DDC: variants seen among roughly 807,000 people sequenced by gnomAD.
The protein encoded by DDC is dopa decarboxylase.
Under a neutral mutation model 60.0 loss-of-function variants are expected in DDC, and 43 were observed. That is an observed-to-expected ratio of 0.72 (90% CI 0.56 to 0.92). The LOEUF is 0.92. DDC is among the 40% of genes least tolerant of loss of function. DDC has a pLI of 0.00. For missense variants in DDC, 573 were observed against 620.2 expected, an observed-to-expected ratio of 0.92 and a Z score of 0.81; for synonymous variants, 232 against 234.6, an observed-to-expected ratio of 0.99 and a Z score of 0.10.
At chr7:50,492,686 T>A in intron 9 of DDC, 1 of 1,342,608 alleles carries the variant, frequency 7.4e-7, no homozygotes, top group Non-Finnish European at 9.6e-7. Context: ...ACAAGGAAAT[T>A]TTCCAAATGG....
chr7:50,528,349 G>A (rs778022580), intron 5 of DDC, 69 bp from the exon 6 acceptor site: 147 of 1,599,674 alleles, frequency 9.2e-5, no homozygotes, highest in Non-Finnish European at 1.1e-4. Flanking sequence ...GCCCTGGATC[G>A]GCAGAGAGCA....
intron 12 of DDC, among the ~76,000 whole-genome samples, chr7:50,468,248 G>A (rs11575513): frequency 2.6e-5 from 4 of 152,226 alleles, no homozygotes; most frequent in African/African-American, 9.6e-5. Context: ...CCCGAAAGCC[G>A]GTTCCCGCCC....
At chr7:50,518,034 C>T (rs2043785309) in intron 6 of DDC, among the ~76,000 whole-genome samples, 1 of 151,386 alleles carries the variant, frequency 6.6e-6, no homozygotes, top group Non-Finnish European at 1.5e-5. Flanking sequence ...ATGGTGAAAC[C>T]CCATCTCTAC....
At chr7:50,512,359 C>T (rs1210820618) in intron 6 of DDC, among the ~76,000 whole-genome samples, 1 of 152,182 alleles carries the variant, frequency 6.6e-6, no homozygotes. Context: ...ACCAGGAAAT[C>T]TGTCTCCCAG....
intron 6 of DDC, among the ~76,000 whole-genome samples, chr7:50,510,884 G>C (rs1456493438): frequency 6.7e-6 from 1 of 150,282 alleles, no homozygotes; most frequent in Admixed American, 6.7e-5. Flanking sequence ...AGGAGGCTGA[G>C]GCAGGAGGAT....
chr7:50,469,384 C>T (rs2042479143), intron 12 of DDC, among the ~76,000 whole-genome samples: 1 of 152,050 alleles, frequency 6.6e-6, no homozygotes, highest in Non-Finnish European at 1.5e-5. Flanking sequence ...CCACTGCAGG[C>T]CGGCACTGCT....
At chr7:50,532,422 C>T (rs998678590) in intron 4 of DDC, among the ~76,000 whole-genome samples, 8 of 152,202 alleles carry the variant, frequency 5.3e-5, no homozygotes, top group African/African-American at 1.9e-4. Context: ...CCCATAGTAG[C>T]ATGCACATCT....
In DDC at chr7:50,544,108, T is replaced by C; in HGVS notation, c.-23A>G. Reference sequence around the variant, plus strand: ...CATGGTGTCTGGGCTCTGTCAGAGGTGAAAACTGCAGAAAGAAAATGATTC... The same window carrying C: ...CATGGTGTCTGGGCTCTGTCAGAGGCGAAAACTGCAGAAAGAAAATGATTC... On this transcript the variant is annotated 5_prime_UTR_variant, in exon 2 of 15. Coordinates refer to ENST00000444124, the MANE Select transcript of DDC (RefSeq NM_001082971.2). 2 of 1,610,998 alleles carry C rather than the reference T, an allele frequency of 1.2e-6. No homozygotes were observed. The highest frequency in any genetic ancestry group is 1.7e-6 in the Non-Finnish European group (2 of 1,177,288).
intron 7 of DDC, among the ~76,000 whole-genome samples, chr7:50,499,445 C>T (rs1214710969): frequency 6.6e-6 from 1 of 152,142 alleles, no homozygotes; most frequent in Admixed American, 6.5e-5. Flanking sequence ...CCCAGACACA[C>T]CAGGGAAAAT....
intron 14 of DDC, among the ~76,000 whole-genome samples, chr7:50,459,160 T>G (rs2042191105): frequency 6.6e-6 from 1 of 152,242 alleles, no homozygotes; most frequent in African/African-American, 2.4e-5. Context: ...GGTTTCGCTG[T>G]GTTGGCCGGG....
At chr7:50,477,692 C>T (rs1407663982) in intron 10 of DDC, 1 of 344,664 alleles carries the variant, frequency 2.9e-6, no homozygotes, top group Non-Finnish European at 5.7e-6. Context: ...GACCTCCACC[C>T]CCTGTTTTAT....
chr7:50,530,465 A>G (rs1163665430), intron 4 of DDC, among the ~76,000 whole-genome samples: 1 of 152,170 alleles, frequency 6.6e-6, no homozygotes, highest in African/African-American at 2.4e-5. Context: ...CCACCCAGTC[A>G]GTGGTATTTT....
intron 6 of DDC, among the ~76,000 whole-genome samples, chr7:50,519,740 A>G (rs1300424922): frequency 6.6e-6 from 1 of 151,626 alleles, no homozygotes; most frequent in Non-Finnish European, 1.5e-5. Context: ...ACTTGGGGGG[A>G]AGAGTGGGAG....
intron 13 of DDC, among the ~76,000 whole-genome samples, chr7:50,464,879 G>A (rs576854694): frequency 1.3e-5 from 2 of 152,286 alleles, no homozygotes; most frequent in East Asian, 3.9e-4. Flanking sequence ...GAGAGAGTGA[G>A]GCCAAGATGG....
chr7:50,498,968 A>G (rs561349272), intron 8 of DDC, among the ~76,000 whole-genome samples, 180 bp downstream of exon 8: 86 of 152,346 alleles, frequency 5.6e-4, no homozygotes, highest in African/African-American at 2.0e-3. Context: ...TCAGGAGGAC[A>G]GGCTGTATGG....
intron 6 of DDC, among the ~76,000 whole-genome samples, chr7:50,512,644 C>A (rs73121290): frequency 0.1 from 15,440 of 152,166 alleles, 1,043 homozygotes; most frequent in South Asian, 0.14. Context: ...TGGGAGTCTG[C>A]ACTTTGATTG....
chr7:50,482,022 G>C (rs1474147329), intron 9 of DDC, among the ~76,000 whole-genome samples: 1 of 152,160 alleles, frequency 6.6e-6, no homozygotes. Context: ...CACTGATGTG[G>C]ACATGGGACC....
At chr7:50,546,460 C>T (rs1464032160) in intron 1 of DDC, among the ~76,000 whole-genome samples, 1 of 152,146 alleles carries the variant, frequency 6.6e-6, no homozygotes, top group Non-Finnish European at 1.5e-5. Context: ...AAAAGGAACT[C>T]TGGATGAGAT....
intron 9 of DDC, among the ~76,000 whole-genome samples, chr7:50,481,475 C>T (rs1453830536): frequency 7.2e-5 from 11 of 152,150 alleles, no homozygotes; most frequent in African/African-American, 2.4e-4. Context: ...TAGAACTCTG[C>T]CCTTTGTCCA....
Sources: gnomAD v4.1 joint callset for allele counts (sites outside exome capture counted in the v4.1 genomes callset) on GRCh38, gnomAD v4.1.1 for gene constraint, MANE v1.5 for transcripts, NCBI Gene and HGNC (gene_info 2026-07-23, HGNC 2026-07-21) for gene names.